RNF216: variants seen among roughly 807,000 people sequenced by gnomAD.
RNF216 encodes ring finger protein 216.
RNF216 carries 72 observed loss-of-function variants against 110.8 expected under a neutral mutation model. That is an observed-to-expected ratio of 0.65 (90% confidence interval 0.54 to 0.79). The LOEUF (loss-of-function observed/expected upper bound fraction) is 0.79, where lower values mean the gene tolerates loss of function less well. Among genes scored for constraint, RNF216 ranks in the 30% least tolerant of loss-of-function variants. The pLI, the probability that RNF216 is intolerant of heterozygous loss-of-function variation, is 0.00. For synonymous variants in RNF216, 495 were observed against 407.5 expected, an observed-to-expected ratio of 1.21 and a Z score of -2.59; for missense variants, 1,342 against 1,141.2, an observed-to-expected ratio of 1.18 and a Z score of -2.54.
rs558220990 is a variant in RNF216 at position 5,673,333 on chromosome 7, G to A, written c.2062-20823C>T. ...CAGTGGAGCTGCTGTTCAAGAACAG[G>A]CTCGACAGAATGGAGTGGGCTGGAG... On this transcript the variant is annotated intron_variant, in intron 13 of 16. Coordinates refer to ENST00000389902, the MANE Select transcript of RNF216 (RefSeq NM_207111.4). Among the ~76,000 whole-genome samples, 6 of 152,348 alleles carry A rather than the reference G, an allele frequency of 3.9e-5. No homozygotes were observed. In the South Asian group the frequency reaches 1.2e-3, roughly 32 times the overall value.
intron 15 of RNF216, among the ~76,000 whole-genome samples, chr7:5,635,371 G>C (rs1787337015): frequency 6.6e-6 from 1 of 151,694 alleles, no homozygotes; most frequent in Non-Finnish European, 1.5e-5. Flanking sequence ...TGTGGAAGCT[G>C]GGTGATGGGA....
At chr7:5,710,258 G>C (rs987325998) in intron 13 of RNF216, among the ~76,000 whole-genome samples, 5 of 152,124 alleles carry the variant, frequency 3.3e-5, no homozygotes, top group Non-Finnish European at 5.9e-5. Context: ...TACTTGGGAG[G>C]CTGAGGCAGG....
intron 13 of RNF216, among the ~76,000 whole-genome samples, chr7:5,656,314 C>T (rs1192931297): frequency 6.6e-6 from 1 of 152,152 alleles, no homozygotes; most frequent in African/African-American, 2.4e-5. Context: ...AGCCACTGCG[C>T]CCAGACTCTT....
At chr7:5,734,510 T>C (rs1188224688) in intron 5 of RNF216, among the ~76,000 whole-genome samples, 1 of 152,120 alleles carries the variant, frequency 6.6e-6, no homozygotes, top group Non-Finnish European at 1.5e-5. Flanking sequence ...GTATATTATA[T>C]TCTATAATAA....
At chr7:5,627,393 G>A (rs1370445136) in intron 15 of RNF216, among the ~76,000 whole-genome samples, 1 of 152,156 alleles carries the variant, frequency 6.6e-6, no homozygotes, top group Non-Finnish European at 1.5e-5. Context: ...TCTCTGCTAT[G>A]AGCAACGTTC....
Position 5,660,265 on chromosome 7 carries a change from C to CTTTTTTTTTT in RNF216, c.2062-7765_2062-7756dup, listed in dbSNP as rs66617363. The stretch of plus-strand genomic sequence containing the variant: ...ACAGAGCCCGGCCCTGTTTTAAATT[C>CTTTTTTTTTT]TTTTTTTTTTTTTTTTTTTTTTTTT... On this transcript the variant is annotated intron_variant, in intron 13 of 16. Coordinates refer to ENST00000389902, the MANE Select transcript of RNF216 (RefSeq NM_207111.4). 1.0e-3 allele frequency among the ~76,000 whole-genome samples: 35 copies of CTTTTTTTTTT among 33,650 alleles called. 8 individuals are homozygous for CTTTTTTTTTT. The highest frequency in any genetic ancestry group is 2.0e-3 in the Non-Finnish European group (32 of 16,338). 22.1% of individuals were successfully genotyped at this position (33,650 alleles called of 152,430 possible). A position where few individuals can be genotyped will look rare whatever the true frequency, so the allele number is the denominator to read the frequency against.
intron 4 of RNF216, 65 bp downstream of exon 4, chr7:5,740,900 TGCAATGAA>T: frequency 7.0e-7 from 1 of 1,429,742 alleles, no homozygotes; most frequent in Non-Finnish European, 9.3e-7. Context: ...CTTTTTTTTT[TGCAATGAA>T]AAAAAAAAAA....
intron 1 of RNF216, among the ~76,000 whole-genome samples, chr7:5,768,393 A>ACG (rs1796320385): frequency 6.7e-6 from 1 of 148,978 alleles, no homozygotes; most frequent in Non-Finnish European, 1.5e-5. Flanking sequence ...ACACACACAC[A>ACG]GCTTAAATTG....
intron 2 of RNF216, among the ~76,000 whole-genome samples, chr7:5,754,464 T>A (rs777201071): frequency 3.9e-5 from 6 of 151,952 alleles, no homozygotes; most frequent in South Asian, 2.1e-4. Flanking sequence ...CATGCCTGAC[T>A]TAATTGTGGA....
chr7:5,675,323 C>T (rs1188064799), intron 13 of RNF216, among the ~76,000 whole-genome samples: 3 of 152,162 alleles, frequency 2.0e-5, no homozygotes, highest in East Asian at 3.8e-4. Context: ...TTTCCTGGGC[C>T]ATATCCCAGG....
At chr7:5,643,476 C>A (rs964355120) in intron 14 of RNF216, among the ~76,000 whole-genome samples, 7 of 151,908 alleles carry the variant, frequency 4.6e-5, no homozygotes, top group African/African-American at 1.5e-4. Flanking sequence ...TGCGCTCACA[C>A]AGGAAGGCTC....
chr7:5,635,238 C>T (rs571032154), intron 15 of RNF216, among the ~76,000 whole-genome samples: 6 of 151,892 alleles, frequency 4.0e-5, no homozygotes, highest in Admixed American at 2.0e-4. Flanking sequence ...ATGAAGAAAC[C>T]GAGGTCAGTT....
At chr7:5,692,225 G>A (rs1008048522) in intron 13 of RNF216, among the ~76,000 whole-genome samples, 3 of 152,196 alleles carry the variant, frequency 2.0e-5, no homozygotes, top group Non-Finnish European at 2.9e-5. Flanking sequence ...TTGTTTATAT[G>A]TACACTGCCT....
intron 1 of RNF216, among the ~76,000 whole-genome samples, chr7:5,771,867 C>T (rs967794955): frequency 2.6e-5 from 4 of 151,852 alleles, no homozygotes; most frequent in African/African-American, 4.8e-5. Flanking sequence ...CTGAGTACCC[C>T]GAGGAAACGC....
chr7:5,646,234 T>A (rs1788040492), intron 14 of RNF216, among the ~76,000 whole-genome samples: 1 of 152,154 alleles, frequency 6.6e-6, no homozygotes, highest in Non-Finnish European at 1.5e-5. Context: ...CCGGGCATGG[T>A]GGTGCATGCT....
At chr7:5,633,899 T>TATTTGTG in intron 15 of RNF216, among the ~76,000 whole-genome samples, 1 of 152,310 alleles carries the variant, frequency 6.6e-6, no homozygotes, top group East Asian at 1.9e-4. Flanking sequence ...ACATCCTCCC[T>TATTTGTG]TAGCTTGTCC....
chr7:5,637,746 C>T (rs951673092), intron 15 of RNF216, among the ~76,000 whole-genome samples: 14 of 152,290 alleles, frequency 9.2e-5, no homozygotes, highest in Non-Finnish European at 1.8e-4. Flanking sequence ...TGCCATGTTT[C>T]CAAAGCTGGT....
chr7:5,734,123 T>C (rs1794252749), intron 5 of RNF216, among the ~76,000 whole-genome samples: 1 of 152,180 alleles, frequency 6.6e-6, no homozygotes, highest in African/African-American at 2.4e-5. Context: ...GGAAGGTGGA[T>C]GCCAGGGTGT....
Position 5,622,543 on chromosome 7 carries a change from A to C in RNF216, c.*317T>G. 1 of 300,424 alleles carries C rather than the reference A, an allele frequency of 3.3e-6. No individual in the cohort carries two copies. The highest frequency in any genetic ancestry group is 6.0e-5 in the East Asian group (1 of 16,798). 18.6% of individuals were successfully genotyped at this position (300,424 alleles called of 1,614,324 possible). A position where few individuals can be genotyped will look rare whatever the true frequency, so the allele number is the denominator to read the frequency against. On this transcript the variant is annotated 3_prime_UTR_variant, in exon 17 of 17. Coordinates refer to ENST00000389902, the MANE Select transcript of RNF216 (RefSeq NM_207111.4). ...GGCTCCGAGGAGAGGCCCAGGTGTG[A>C]GCAGCAGGGACCTGGTCTATGGCCT...
Sources: allele counts gnomAD v4.1 joint callset (sites outside exome capture counted in the v4.1 genomes callset), GRCh38; gene constraint gnomAD v4.1.1; transcripts MANE v1.5; gene names NCBI Gene and HGNC (gene_info 2026-07-23, HGNC 2026-07-21).